Variants in TMEM181 observed in about 807,000 individuals in gnomAD.
TMEM181 encodes the protein transmembrane protein 181, also known as G protein-coupled receptor 178.
In TMEM181, 39 loss-of-function variants were observed where a neutral mutation model predicts 71.9. That is an observed-to-expected ratio of 0.54 (90% CI 0.42 to 0.71). The LOEUF (loss-of-function observed/expected upper bound fraction) is 0.71, where lower values mean the gene tolerates loss of function less well. Ranked by LOEUF, TMEM181 falls within the 30% of genes least tolerant of loss-of-function variation. The pLI is 0.00. For synonymous variants in TMEM181, 245 were observed against 228.8 expected (o/e 1.07, Z -0.64); for missense variants, 595 against 583.0 (o/e 1.02, Z -0.21).
rs1786654948 is a variant in TMEM181 at position 158,631,394 on chromosome 6, G to A, written c.1349+5G>A. On this transcript the variant is annotated splice_donor_5th_base_variant and intron_variant, in intron 16 of 16. Coordinates refer to ENST00000684151, the MANE Select transcript of TMEM181 (RefSeq NM_001376852.1). ...GGATGATGATGTGATTTATGGGTAAGTCCCTGTCCGTTAGAAGGCCGGCAC... is the reference window on the plus strand; with the variant it reads ...GGATGATGATGTGATTTATGGGTAAATCCCTGTCCGTTAGAAGGCCGGCAC... 6.2e-7 allele frequency: 1 copy of A among 1,614,046 alleles called. No individual in the cohort carries two copies. Among genetic ancestry groups the A allele is most frequent in the Non-Finnish European group, 8.5e-7 (1 of 1,180,022 alleles).
At position 158,633,330 on chromosome 6, in the gene TMEM181, GC is replaced by G. The variant is rs1786763025; in HGVS notation, c.*1445del. 1 of 152,148 alleles carries G rather than the reference GC, an allele frequency of 6.6e-6. No individual in the cohort carries two copies. Among genetic ancestry groups the G allele is most frequent in the African/African-American group, 2.4e-5 (1 of 41,422 alleles). The allele number at this position is 152,148 out of a possible 1,614,324, so 9.4% of individuals were successfully genotyped here. A position where few individuals can be genotyped will look rare whatever the true frequency, so the allele number is the denominator to read the frequency against. On this transcript the variant is annotated 3_prime_UTR_variant, in exon 17 of 17. Coordinates refer to ENST00000684151, the MANE Select transcript of TMEM181 (RefSeq NM_001376852.1). The stretch of plus-strand genomic sequence containing the variant: ...TGCTGAATCTGTGGCATCATAGAAG[GC>G]CCTGGAGCTTCCCCGTTCCTTTCAG...
Position 158,608,751 on chromosome 6 carries a change from G to A in TMEM181, c.896+1G>A. 2.5e-6 allele frequency: 4 copies of A among 1,609,928 alleles called. No individual in the cohort carries two copies. Among genetic ancestry groups the A allele is most frequent in the Non-Finnish European group, 1.7e-6 (2 of 1,178,760 alleles). ...CTGTTACGCTAGGAATATGGCAAAC[G>A]TGAGTAATTCTATTATGTGTGAAAC... On this transcript the variant is annotated splice_donor_variant, in intron 10 of 16. Coordinates refer to ENST00000684151, the MANE Select transcript of TMEM181 (RefSeq NM_001376852.1). LOFTEE classifies it high-confidence loss of function.
At chr6:158,624,352 G>A (rs566649173) in intron 11 of TMEM181, among the ~76,000 whole-genome samples, 10 of 152,328 alleles carry the variant, frequency 6.6e-5, no homozygotes, top group African/African-American at 1.4e-4. Flanking sequence ...AAATGATCCC[G>A]ATTCCTGCTG....
Position 158,589,654 on chromosome 6 carries a change from C to T in TMEM181, c.382-18C>T. On this transcript the variant is annotated intron_variant, in intron 5 of 16. Coordinates refer to ENST00000684151, the MANE Select transcript of TMEM181 (RefSeq NM_001376852.1). ...AGTCTCGCTTTCTTTAAAGGCAAAT[C>T]TTTCTGTGTATTTGCAGAAATGTGC... The T allele has an allele frequency of 6.3e-7, 1 of 1,594,020 alleles. No homozygotes were observed. Among genetic ancestry groups the T allele is most frequent in the Non-Finnish European group, 8.6e-7 (1 of 1,161,852 alleles).
intron 10 of TMEM181, 67 bp from the exon 11 acceptor site, chr6:158,623,483 G>GA: frequency 8.8e-7 from 1 of 1,138,624 alleles, no homozygotes; most frequent in Non-Finnish European, 1.2e-6. Flanking sequence ...AAGTCAATAA[G>GA]AAAAAATGTA....
intron 3 of TMEM181, among the ~76,000 whole-genome samples, chr6:158,583,403 GA>G (rs1371019318): frequency 6.6e-6 from 1 of 152,140 alleles, no homozygotes; most frequent in Non-Finnish European, 1.5e-5. Flanking sequence ...GTCCCAGTGT[GA>G]AAAATGTCTG....
intron 10 of TMEM181, among the ~76,000 whole-genome samples, chr6:158,614,375 T>A (rs1028949934): frequency 2.0e-5 from 3 of 152,240 alleles, no homozygotes; most frequent in Admixed American, 2.0e-4. Context: ...ATCCTTTTTA[T>A]TACATAAAAA....
At chr6:158,547,228 A>T (rs1781555508) in intron 1 of TMEM181, among the ~76,000 whole-genome samples, 1 of 151,696 alleles carries the variant, frequency 6.6e-6, no homozygotes, top group South Asian at 2.1e-4. Context: ...GCTGCAGTGA[A>T]CCATGATTGT....
intron 10 of TMEM181, among the ~76,000 whole-genome samples, chr6:158,614,564 G>A (rs937434196): frequency 4.6e-5 from 7 of 152,216 alleles, no homozygotes; most frequent in African/African-American, 1.7e-4. Flanking sequence ...GTATACATGT[G>A]CCATGTTGGT....
intron 1 of TMEM181, among the ~76,000 whole-genome samples, chr6:158,547,241 C>T (rs1256076222): frequency 6.6e-6 from 1 of 152,210 alleles, no homozygotes; most frequent in Non-Finnish European, 1.5e-5. Context: ...ATGATTGTGC[C>T]ACTGCACTTC....
intron 1 of TMEM181, among the ~76,000 whole-genome samples, chr6:158,537,564 G>A (rs901265533): frequency 1.3e-5 from 2 of 152,124 alleles, no homozygotes; most frequent in Non-Finnish European, 2.9e-5. Context: ...GCAGTTCGGA[G>A]GGGAAGGAAA....
At chr6:158,546,416 A>G (rs969529369) in intron 1 of TMEM181, among the ~76,000 whole-genome samples, 2 of 152,230 alleles carry the variant, frequency 1.3e-5, no homozygotes, top group Non-Finnish European at 2.9e-5. Flanking sequence ...AGTTTCAGCC[A>G]AAAAGGGTAC....
exon 1 of TMEM181, chr6:158,536,770 C>T (rs1382026838): frequency 2.5e-6 from 4 of 1,574,814 alleles, no homozygotes; most frequent in Non-Finnish European, 3.4e-6. Flanking sequence ...AGCCCCCGCT[C>T]TGCAGCGAGC....
chr6:158,624,097 C>T (rs2128327878), intron 11 of TMEM181, among the ~76,000 whole-genome samples: 1 of 152,296 alleles, frequency 6.6e-6, no homozygotes, highest in East Asian at 1.9e-4. Flanking sequence ...TACTCCCAGT[C>T]TTTGGTTTGT....
intron 10 of TMEM181, among the ~76,000 whole-genome samples, chr6:158,611,979 C>CT (rs1554228509): frequency 1.0e-4 from 10 of 99,254 alleles, no homozygotes; most frequent in African/African-American, 4.0e-4. Context: ...CAGGGATACC[C>CT]CCCCCACCTC....
intron 5 of TMEM181, among the ~76,000 whole-genome samples, chr6:158,585,850 G>T (rs915722830): frequency 6.6e-6 from 1 of 152,126 alleles, no homozygotes. Flanking sequence ...TTAGAGACAG[G>T]TTTTTGCTCT....
intron 1 of TMEM181, among the ~76,000 whole-genome samples, chr6:158,554,305 C>T (rs1781809457): frequency 6.6e-6 from 1 of 152,138 alleles, no homozygotes; most frequent in Non-Finnish European, 1.5e-5. Context: ...AGGCTGATCT[C>T]GAACTCTTGA....
At position 158,608,364 on chromosome 6, in the gene TMEM181, C is replaced by CA; in HGVS notation, c.706dup (p.Ser236LysfsTer9). 6.2e-7 allele frequency: 1 copy of CA among 1,614,246 alleles called. No homozygotes were observed. The highest frequency in any genetic ancestry group is 8.5e-7 in the Non-Finnish European group (1 of 1,180,052). On this transcript the variant is annotated frameshift_variant, in exon 9 of 17. Transcript: ENST00000684151. LOFTEE classifies it high-confidence loss of function. ...TCTTCCCCCTCTCCTTCCTGGTCAA[C>CA]AGCTGGCTCCCAGGGATGCTGGATG...
chr6:158,610,733 C>G (rs1785252699), intron 10 of TMEM181: 1 of 297,062 alleles, frequency 3.4e-6, no homozygotes, highest in Non-Finnish European at 6.4e-6. Context: ...GGAAGAATCA[C>G]TCAGGCACTC....
Sources: gnomAD v4.1 joint callset for allele counts (sites outside exome capture counted in the v4.1 genomes callset) on GRCh38, gnomAD v4.1.1 for gene constraint, MANE v1.5 for transcripts, NCBI Gene and HGNC (gene_info 2026-07-23, HGNC 2026-07-21) for gene names.